Variants in CDH4 observed in about 807,000 individuals in gnomAD.
CDH4 encodes cadherin 4, also known as cadherin-4.
A neutral mutation model predicts 86.0 loss-of-function variants in CDH4; 33 were observed. The ratio of observed to expected loss-of-function variants is 0.38; its 90% CI spans 0.29 to 0.51. The LOEUF is 0.51. CDH4 is among the 20% of genes least tolerant of loss of function. CDH4 has a pLI of 0.86. For synonymous variants in CDH4, 555 were observed against 549.4 expected, an observed-to-expected ratio of 1.01 and a Z score of -0.14; for missense variants, 1,114 against 1,307.4, an observed-to-expected ratio of 0.85 and a Z score of 2.28.
At chr20:61,499,571 C>G in intron 2 of CDH4, 1 of 1,235,964 alleles carries the variant, frequency 8.1e-7, no homozygotes, top group South Asian at 1.3e-5. Context: ...ATGCTTCAGA[C>G]AGTGTCCCTG....
At chr20:61,256,873 G>A (rs1241343982) in intron 2 of CDH4, among the ~76,000 whole-genome samples, 1 of 152,206 alleles carries the variant, frequency 6.6e-6, no homozygotes, top group African/African-American at 2.4e-5. Context: ...TTCTGAAGGT[G>A]TAGAGTCTCA....
chr20:61,890,404 G>T (rs1984767600), intron 7 of CDH4, among the ~76,000 whole-genome samples: 1 of 151,780 alleles, frequency 6.6e-6, no homozygotes, highest in Non-Finnish European at 1.5e-5. Context: ...ATGGGTGGAT[G>T]GATGGATGGA....
intron 2 of CDH4, among the ~76,000 whole-genome samples, chr20:61,552,010 T>C (rs1476478526): frequency 6.6e-6 from 1 of 152,126 alleles, no homozygotes; most frequent in Non-Finnish European, 1.5e-5. Flanking sequence ...AAATGTAAGA[T>C]CTAAAACTAT....
At position 61,743,719 on chromosome 20, in the gene CDH4, C is replaced by G; in HGVS notation, c.326C>G (p.Thr109Arg). The G allele has an allele frequency of 6.2e-7, 1 of 1,611,432 alleles. No individual in the cohort carries two copies. The highest frequency in any genetic ancestry group is 1.1e-5 in the South Asian group (1 of 90,306). ...AFTVTAWDSQ[T>R]AEKWDAVVRL... ...ACGGTGACTGCATGGGACAGCCAGA[C>G]AGCAGAGAAATGGGACGCCGTGGTG... The change falls in exon 3 of 16, where the codon ACA becomes AGA. Residue 109 changes from threonine to arginine, a missense_variant. Physicochemically the swap from Thr to Arg is moderately conservative, Grantham distance 71. Coordinates refer to ENST00000614565, the MANE Select transcript of CDH4 (RefSeq NM_001794.5).
chr20:61,480,245 C>A lies in CDH4; in HGVS notation c.169+225308C>A, dbSNP rs1030179790. Among the ~76,000 whole-genome samples, 4 of 152,172 alleles carry A rather than the reference C, an allele frequency of 2.6e-5. No individual in the cohort carries two copies. Among genetic ancestry groups the A allele is most frequent in the Non-Finnish European group, 5.9e-5 (4 of 68,036 alleles). Reference sequence around the variant, plus strand: ...ACCCCAGGAGGACCCCAGGCTCCCCCTCTCGTGGTAGCCTGGAAACTCCCC... The same window carrying A: ...ACCCCAGGAGGACCCCAGGCTCCCCATCTCGTGGTAGCCTGGAAACTCCCC... On this transcript the variant is annotated intron_variant, in intron 2 of 15. Transcript: ENST00000614565. This position sits in a 1 kb window ranked among gnomAD's most constrained non-coding sequence, Gnocchi z 5.2.
At chr20:61,358,502 C>T (rs547568988) in intron 2 of CDH4, among the ~76,000 whole-genome samples, 1 of 152,356 alleles carries the variant, frequency 6.6e-6, no homozygotes, top group African/African-American at 2.4e-5. Context: ...AAACTATAAG[C>T]TTCCCATCAC....
At chr20:61,888,731 A>G (rs972521841) in intron 7 of CDH4, among the ~76,000 whole-genome samples, 2 of 152,172 alleles carry the variant, frequency 1.3e-5, no homozygotes, top group African/African-American at 2.4e-5. Context: ...TGATGTCACC[A>G]TGGACATCAT....
chr20:61,587,308 T>C (rs2086485277), intron 2 of CDH4, among the ~76,000 whole-genome samples: 1 of 152,054 alleles, frequency 6.6e-6, no homozygotes, highest in African/African-American at 2.4e-5. Flanking sequence ...GGGATGCTCT[T>C]TCTTTCTCCA....
At chr20:61,934,328 G>T (rs539278765) in intron 15 of CDH4, 108 bp downstream of exon 15, 25 of 1,268,574 alleles carry the variant, frequency 2.0e-5, no homozygotes, top group African/African-American at 9.2e-5. Flanking sequence ...GCTGCCGTGG[G>T]TGGGAGGCAG....
chr20:61,699,940 G>T (rs976298602), intron 2 of CDH4, among the ~76,000 whole-genome samples: 4 of 152,182 alleles, frequency 2.6e-5, no homozygotes, highest in Admixed American at 2.0e-4. Context: ...CTGTTGGGGG[G>T]CCCCATGTCA....
At chr20:61,819,697 C>T (rs1031152585) in intron 4 of CDH4, among the ~76,000 whole-genome samples, 1 of 152,228 alleles carries the variant, frequency 6.6e-6, no homozygotes, top group African/African-American at 2.4e-5. Context: ...AGGCTCTAAG[C>T]CCCCTGCCAG....
rs1358478829 is a variant in CDH4, at chr20:61,518,969, C to T, written c.170-224594C>T. On this transcript the variant is annotated intron_variant, in intron 2 of 15. Transcript: ENST00000614565. The surrounding 1 kb of genome is among the most constrained non-coding windows in gnomAD (Gnocchi z 6.3). ...TTCATCTATCCATCCATTATTTATC[C>T]ATCCATCCATCCTTCATCCATCCAT... Among the ~76,000 whole-genome samples the T allele has an allele frequency of 6.6e-6, 1 of 150,704 alleles. No homozygotes were observed. The highest frequency in any genetic ancestry group is 1.5e-5 in the Non-Finnish European group (1 of 67,012).
rs112853631 is a variant in CDH4, at chr20:61,929,905, C to G, written c.2239+63C>G. On this transcript the variant is annotated intron_variant, in intron 13 of 15. Coordinates refer to ENST00000614565, the MANE Select transcript of CDH4 (RefSeq NM_001794.5). ...GTGGGTATGAGTGCCCTGTCCCAGG[C>G]ATGGTGGGCAGAGGGGGGCCTGGAT... 350 of 1,337,062 alleles carry G rather than the reference C, an allele frequency of 2.6e-4. 1 individual carries two copies. In the African/African-American group the frequency reaches 4.5e-3, roughly 17 times the overall value. 82.8% of individuals were successfully genotyped at this position (1,337,062 alleles called of 1,614,324 possible).
At chr20:61,526,879 A>G (rs1029450643) in intron 2 of CDH4, among the ~76,000 whole-genome samples, 11 of 152,242 alleles carry the variant, frequency 7.2e-5, no homozygotes, top group African/African-American at 2.7e-4. Context: ...TGAGCAACTG[A>G]AAAATTAACA....
rs779317603 is a variant in CDH4 at position 61,929,768 on chromosome 20, T to C, written c.2165T>C (p.Ile722Thr). The change falls in exon 13 of 16, where the codon ATT becomes ACT. Residue 722 changes from isoleucine (I) to threonine (T), a missense_variant. Ile to Thr is a moderately conservative substitution (Grantham distance 89, BLOSUM62 -1). Transcript: ENST00000614565. The stretch of plus-strand genomic sequence containing the variant: ...GATGACAACGGGGACTGCACCACCA[T>C]TGGCGCAGTGGCAGCGGCTGGTCTG... ...PCDDNGDCTTIGAVAAAGLGT... is the reference protein window; with the variant it reads ...PCDDNGDCTTTGAVAAAGLGT... 3.7e-6 allele frequency: 6 copies of C among 1,613,990 alleles called. 1 individual carries two copies. The highest frequency in any genetic ancestry group is 3.3e-5 in the South Asian group (3 of 91,094).
intron 2 of CDH4, among the ~76,000 whole-genome samples, chr20:61,726,929 C>T (rs1458043027): frequency 6.6e-6 from 1 of 151,600 alleles, no homozygotes; most frequent in Non-Finnish European, 1.5e-5. Flanking sequence ...ATCAACATTG[C>T]TGCCATCATC....
intron 2 of CDH4, among the ~76,000 whole-genome samples, chr20:61,336,070 AG>A (rs946401004): frequency 2.0e-5 from 3 of 152,122 alleles, no homozygotes; most frequent in Non-Finnish European, 2.9e-5. Context: ...GTGGGGGAGA[AG>A]GTGCAGATAT....
At chr20:61,857,911 C>CTG (rs537135124) in intron 6 of CDH4, among the ~76,000 whole-genome samples, 4 of 151,438 alleles carry the variant, frequency 2.6e-5, no homozygotes, top group African/African-American at 9.7e-5. Flanking sequence ...CTGTGTGCAT[C>CTG]TGTGTGTGTG....
At chr20:61,580,892 G>C (rs574289351) in intron 2 of CDH4, among the ~76,000 whole-genome samples, 2 of 152,210 alleles carry the variant, frequency 1.3e-5, no homozygotes, top group Admixed American at 1.3e-4. Context: ...CCGAGGCCTT[G>C]CAAGTCCCAC....
Sources: gnomAD v4.1 joint callset for allele counts (sites outside exome capture counted in the v4.1 genomes callset) on GRCh38, gnomAD v4.1.1 for gene constraint, Gnocchi (gnomAD v3.1) non-coding constraint, MANE v1.5 for transcripts, NCBI Gene and HGNC (gene_info 2026-07-23, HGNC 2026-07-21) for gene names.